Variants in GLDN observed in about 807,000 individuals in gnomAD.
GLDN encodes the protein gliomedin.
GLDN carries 47 observed loss-of-function variants against 56.5 expected under a neutral mutation model. The observed-to-expected ratio is 0.83, with a 90% CI of 0.66 to 1.06. The LOEUF is 1.06. GLDN is among the 50% of genes least tolerant of loss of function. GLDN has a pLI of 0.00. For missense variants in GLDN, 782 were observed against 714.3 expected (o/e 1.09, Z -1.08); for synonymous variants, 332 against 278.8 (o/e 1.19, Z -1.90).
At chr15:51,384,167 G>A (rs1595827038) in intron 4 of GLDN, 4 of 440,426 alleles carry the variant, frequency 9.1e-6, no homozygotes, top group Non-Finnish European at 1.2e-5. Context: ...AGGAGCAGGA[G>A]CCCACAGCCC....
chr15:51,357,411 T>C (rs2037206425), intron 1 of GLDN, among the ~76,000 whole-genome samples: 1 of 152,222 alleles, frequency 6.6e-6, no homozygotes, highest in East Asian at 1.9e-4. Flanking sequence ...TGAGTAACAC[T>C]GGACCCCTTT....
intron 4 of GLDN, among the ~76,000 whole-genome samples, chr15:51,391,359 A>T (rs927311115): frequency 1.3e-5 from 2 of 152,228 alleles, no homozygotes; most frequent in African/African-American, 4.8e-5. Context: ...GATGATGCAG[A>T]AGGCTGTTTG....
chr15:51,386,334 C>G (rs2037892507), intron 4 of GLDN, among the ~76,000 whole-genome samples: 1 of 152,196 alleles, frequency 6.6e-6, no homozygotes. Context: ...GGATCGCTCA[C>G]TTCATGGGCC....
rs1237369548 is a variant in GLDN, at chr15:51,383,472, T to G, written c.433+19T>G. The G allele has an allele frequency of 1.9e-6, 3 of 1,613,762 alleles. No individual in the cohort carries two copies. Among genetic ancestry groups the G allele is most frequent in the Admixed American group, 3.3e-5 (2 of 60,028 alleles). On this transcript the variant is annotated intron_variant, in intron 3 of 9. Transcript: ENST00000335449. ...CCACCAGGTAAGAGCCCATGGATTT[T>G]CTAGTTCAAGGGGAGGCTGTGGGTG...
chr15:51,352,968 T>C (rs1373302841), intron 1 of GLDN, among the ~76,000 whole-genome samples: 3 of 152,190 alleles, frequency 2.0e-5, no homozygotes, highest in Non-Finnish European at 4.4e-5. Context: ...TTAGAAGTTA[T>C]GGCTTAAGAG....
chr15:51,377,491 T>G lies in GLDN; in HGVS notation c.406T>G (p.Cys136Gly). Residue 136 changes from cysteine (C) to glycine (G), a missense_variant, in exon 2 of 10, where the codon TGC (cysteine) becomes GGC (glycine). Cys to Gly is a radical substitution (Grantham distance 159). Coordinates refer to ENST00000335449, the MANE Select transcript of GLDN (RefSeq NM_181789.4). ...CCTGTGCAACAGCACCAAGGGCATC[T>G]GCCTCACAGGTAGGCTGGCCGCTGA... is the stretch of plus-strand genomic sequence containing the variant. ...VDLCNSTKGI[C>G]LTGPSGPPGP... The G allele has an allele frequency of 6.2e-7, 1 of 1,614,012 alleles. No homozygotes were observed. The highest frequency in any genetic ancestry group is 8.5e-7 in the Non-Finnish European group (1 of 1,179,920).
chr15:51,401,856 G>C, intron 9 of GLDN, 113 bp downstream of exon 9: 1 of 914,646 alleles, frequency 1.1e-6, no homozygotes, highest in Non-Finnish European at 1.6e-6. Flanking sequence ...TGTCCCTAGG[G>C]CTGACACACT....
At chr15:51,387,433 G>T (rs183390916) in intron 4 of GLDN, among the ~76,000 whole-genome samples, 253 of 152,236 alleles carry the variant, frequency 1.7e-3, no homozygotes, top group Middle Eastern at 3.4e-3. Flanking sequence ...GGGCAGGGAG[G>T]TAACAGCTTT....
Position 51,383,843 on chromosome 15 carries a change from T to C in GLDN, c.492T>C (p.Pro164=), listed in dbSNP as rs2037827069. 2 of 1,613,258 alleles carry C rather than the reference T, an allele frequency of 1.2e-6. No homozygotes were observed. Among genetic ancestry groups the C allele is most frequent in the East Asian group, 4.5e-5 (2 of 44,874 alleles). Reference sequence around the variant, plus strand: ...ACGGATTGGATGGACAGCCTGGTCCTCAGGGCCCAAAAGGAGAAAAAGGAG... The same window carrying C: ...ACGGATTGGATGGACAGCCTGGTCCCCAGGGCCCAAAAGGAGAAAAAGGAG... ...GHNGLDGQPG[P]QGPKGEKGAN... is the part of the protein sequence containing the mutation. Residue 164 remains proline (P), a synonymous_variant, in exon 4 of 10, where the codon CCT becomes CCC. Transcript: ENST00000335449.
intron 1 of GLDN, among the ~76,000 whole-genome samples, chr15:51,372,318 C>G (rs1010625677): frequency 1.3e-5 from 2 of 152,236 alleles, no homozygotes; most frequent in Non-Finnish European, 2.9e-5. Context: ...AAGGGACACT[C>G]AAACCATAGC....
intron 1 of GLDN, among the ~76,000 whole-genome samples, chr15:51,370,044 A>T (rs2037483967): frequency 6.6e-6 from 1 of 152,134 alleles, no homozygotes; most frequent in Non-Finnish European, 1.5e-5. Context: ...TGAGCCTGGG[A>T]GGTTAAAGCT....
downstream of GLDN, among the ~76,000 whole-genome samples, chr15:51,408,495 T>A (rs2038428849): frequency 6.6e-6 from 1 of 152,210 alleles, no homozygotes. Context: ...ATTGTTACTT[T>A]TATTGTTCCT....
chr15:51,410,378 G>C (rs1043113204), downstream of GLDN, among the ~76,000 whole-genome samples: 1 of 152,212 alleles, frequency 6.6e-6, no homozygotes, highest in Non-Finnish European at 1.5e-5. Flanking sequence ...GAGCTGCAGA[G>C]AGCCGCTTTG....
chr15:51,391,193 G>T (rs1371026755), intron 4 of GLDN, among the ~76,000 whole-genome samples: 3 of 152,158 alleles, frequency 2.0e-5, no homozygotes, highest in Non-Finnish European at 4.4e-5. Flanking sequence ...ACAGCCTCAA[G>T]CAAAGGCCTT....
In GLDN at chr15:51,404,691, A is replaced by C; in HGVS notation, c.1593A>C (p.Ser531=). Residue 531 remains serine (S), a synonymous_variant, in exon 10 of 10, where the codon TCA becomes TCC. Transcript: ENST00000335449. ...AYNMRDQHLY[S]WEDGHLMLYP... Reference sequence around the variant, plus strand: ...ACATGAGAGATCAGCATTTATATTCATGGGAAGATGGCCATTTAATGCTTT... The same window carrying C: ...ACATGAGAGATCAGCATTTATATTCCTGGGAAGATGGCCATTTAATGCTTT... 6.2e-7 allele frequency: 1 copy of C among 1,612,488 alleles called. No individual in the cohort carries two copies. The highest frequency in any genetic ancestry group is 8.5e-7 in the Non-Finnish European group (1 of 1,178,522).
intron 1 of GLDN, among the ~76,000 whole-genome samples, chr15:51,353,444 G>A (rs2141053386): frequency 6.6e-6 from 1 of 152,202 alleles, no homozygotes; most frequent in Middle Eastern, 3.4e-3. Context: ...GCCTCTGCGT[G>A]ACCACTGATG....
downstream of GLDN, among the ~76,000 whole-genome samples, chr15:51,412,339 G>A (rs1340921692): frequency 6.6e-6 from 1 of 152,182 alleles, no homozygotes; most frequent in Non-Finnish European, 1.5e-5. Context: ...CTATTGTAGT[G>A]ATAAGGGTTA....
In GLDN at chr15:51,407,913, A is replaced by G. The variant is rs2038419769; in HGVS notation, c.*3159A>G. The G allele has an allele frequency of 6.6e-6, 1 of 152,190 alleles. No individual in the cohort carries two copies. The highest frequency in any genetic ancestry group is 1.5e-5 in the Non-Finnish European group (1 of 68,038). The allele number at this position is 152,190 out of a possible 1,614,324, so 9.4% of individuals were successfully genotyped here. ...TTAAGAGCCATAATTTCCAACCTGC[A>G]CAGATCCTGAACAACAAATGAATAA... On this transcript the variant is annotated 3_prime_UTR_variant, in exon 10 of 10. Coordinates refer to ENST00000335449, the MANE Select transcript of GLDN (RefSeq NM_181789.4).
At chr15:51,381,989 G>T (rs971477547) in intron 2 of GLDN, among the ~76,000 whole-genome samples, 1 of 152,090 alleles carries the variant, frequency 6.6e-6, no homozygotes, top group African/African-American at 2.4e-5. Flanking sequence ...ACATTCAAGT[G>T]CTTCTGCCAC....
Sources: gnomAD v4.1 joint callset for allele counts (sites outside exome capture counted in the v4.1 genomes callset) on GRCh38, gnomAD v4.1.1 for gene constraint, MANE v1.5 for transcripts, NCBI Gene and HGNC (gene_info 2026-07-23, HGNC 2026-07-21) for gene names.